Variants in LARGE1 observed in about 807,000 individuals in gnomAD.
LARGE1 encodes the protein LARGE xylosyl- and glucuronyltransferase 1.
A neutral mutation model predicts 87.6 loss-of-function variants in LARGE1; 43 were observed. The ratio of observed to expected loss-of-function variants is 0.49; its 90% CI spans 0.38 to 0.63. The LOEUF (loss-of-function observed/expected upper bound fraction) is 0.63, where lower values mean the gene tolerates loss of function less well. LARGE1 is among the 30% of genes least tolerant of loss of function. LARGE1 has a pLI of 0.00. For missense variants in LARGE1, 802 were observed against 1,000.2 expected, an observed-to-expected ratio of 0.80 and a Z score of 2.67; for synonymous variants, 434 against 394.6, an observed-to-expected ratio of 1.10 and a Z score of -1.18.
rs1346949257 is a variant in LARGE1 at position 33,168,801 on chromosome 22, G to A, written c.1731-1969C>T. 2.0e-5 allele frequency among the ~76,000 whole-genome samples: 3 copies of A among 152,106 alleles called. No individual in the cohort carries two copies. The East Asian group carries it at 5.8e-4, about 29-fold the overall frequency. On this transcript the variant is annotated intron_variant, in intron 11 of 11. Coordinates refer to the LARGE1 transcript ENST00000608642. Reference sequence around the variant, plus strand: ...CCATTTCCTAAGGTCTAGTTCAAATGTCTCCTTTAATATCTACATCAAATA... The same window carrying A: ...CCATTTCCTAAGGTCTAGTTCAAATATCTCCTTTAATATCTACATCAAATA...
Position 33,523,976 on chromosome 22 carries a change from C to T in LARGE1, c.787+40872G>A, listed in dbSNP as rs185624865. Among the ~76,000 whole-genome samples the T allele has an allele frequency of 5.9e-5, 9 of 152,146 alleles. No homozygotes were observed. The East Asian group carries it at 9.7e-4, about 16-fold the overall frequency. On this transcript the variant is annotated intron_variant, in intron 6 of 14. Coordinates refer to ENST00000397394, the MANE Select transcript of LARGE1 (RefSeq NM_133642.5). ...AGAACTGTGCCATCATCACTAAAATCTCCTTAAATCTACACCTCTATAAAA... is the reference window on the plus strand; with the variant it reads ...AGAACTGTGCCATCATCACTAAAATTTCCTTAAATCTACACCTCTATAAAA...
chr22:33,714,261 G>C (rs992766832), intron 2 of LARGE1, among the ~76,000 whole-genome samples: 2 of 152,108 alleles, frequency 1.3e-5, no homozygotes, highest in African/African-American at 4.8e-5. Flanking sequence ...CTGGAAAAAT[G>C]AGGAGCCCCT....
intron 6 of LARGE1, among the ~76,000 whole-genome samples, chr22:33,554,404 G>A (rs2077615826): frequency 6.6e-6 from 1 of 152,038 alleles, no homozygotes; most frequent in Admixed American, 6.6e-5. Context: ...CACCAAGAAA[G>A]CTCTATTTCA....
chr22:33,700,361 T>C lies in LARGE1; in HGVS notation c.107-49693A>G, dbSNP rs577158957. On this transcript the variant is annotated intron_variant, in intron 2 of 14. Coordinates refer to ENST00000397394, the MANE Select transcript of LARGE1 (RefSeq NM_133642.5). ...CAACTTGACCACTCAAGTGTCACCA[T>C]TCACTGAAGTTTAACTACAATGTCC... 1.5e-4 allele frequency among the ~76,000 whole-genome samples: 23 copies of C among 152,298 alleles called. 2 individuals are homozygous for C. The highest frequency in any genetic ancestry group is 3.1e-4 in the African/African-American group (13 of 41,574).
In LARGE1 at chr22:33,181,827, C is replaced by CTTTTTTT. The variant is rs56347007; in HGVS notation, c.1731-15002_1731-14996dup. Among the ~76,000 whole-genome samples the CTTTTTTT allele has an allele frequency of 2.3e-4, 29 of 128,472 alleles. No homozygotes were observed. In the East Asian group the frequency reaches 4.3e-3, roughly 19 times the overall value. The allele number at this position is 128,472 out of a possible 152,430, so 84.3% of individuals were successfully genotyped here. The stretch of plus-strand genomic sequence containing the variant: ...ACAGGCGTGAGCCAGTATGCCTGGC[C>CTTTTTTT]TTTTTTTTTTTTTTTTTTTTTTACA... On this transcript the variant is annotated intron_variant, in intron 11 of 11. Coordinates refer to the LARGE1 transcript ENST00000608642.
chr22:33,552,895 TTCCCA>T (rs2077572012), intron 6 of LARGE1, among the ~76,000 whole-genome samples: 1 of 152,170 alleles, frequency 6.6e-6, no homozygotes, highest in African/African-American at 2.4e-5. Flanking sequence ...TAACATAATA[TTCCCA>T]TTGAGAATGA....
chr22:33,773,476 G>A (rs1384983637), intron 1 of LARGE1, among the ~76,000 whole-genome samples: 9 of 138,002 alleles, frequency 6.5e-5, no homozygotes, highest in Admixed American at 2.8e-4. Context: ...GTCACAGATC[G>A]GGGCAGTGGC....
At chr22:33,613,483 C>T (rs554130727) in intron 4 of LARGE1, among the ~76,000 whole-genome samples, 51 of 152,308 alleles carry the variant, frequency 3.3e-4, no homozygotes, top group South Asian at 1.5e-3. Flanking sequence ...TACAATTCTA[C>T]TACACACAAG....
intron 1 of LARGE1, among the ~76,000 whole-genome samples, chr22:33,858,329 C>T (rs2063816133): frequency 6.6e-6 from 1 of 152,172 alleles, no homozygotes; most frequent in Non-Finnish European, 1.5e-5. Flanking sequence ...AGCTCAGCTC[C>T]AGCCATAACA....
At chr22:33,403,240 AAGTAT>A (rs1431431305) in intron 7 of LARGE1, among the ~76,000 whole-genome samples, 1 of 152,146 alleles carries the variant, frequency 6.6e-6, no homozygotes, top group Non-Finnish European at 1.5e-5. Flanking sequence ...TACTCAATAC[AAGTAT>A]AAGCTCCTGC....
chr22:33,693,400 G>GA lies in LARGE1; in HGVS notation c.107-42733dup, dbSNP rs140433459. On this transcript the variant is annotated intron_variant, in intron 2 of 14. Transcript: ENST00000397394. ...TCTGTAACCTTAAAGCAACTGAAAT[G>GA]AAAAAAAAAAAAATTAAAAAGAGGG... Among the ~76,000 whole-genome samples, 1,257 of 138,576 alleles carry GA rather than the reference G, an allele frequency of 9.1e-3. 16 individuals carry two copies. Among genetic ancestry groups the GA allele is most frequent in the African/African-American group, 0.026 (1,010 of 38,520 alleles). 90.9% of individuals were successfully genotyped at this position (138,576 alleles called of 152,430 possible). A position where few individuals can be genotyped will look rare whatever the true frequency, so the allele number is the denominator to read the frequency against.
intron 6 of LARGE1, among the ~76,000 whole-genome samples, chr22:33,527,297 C>T (rs1302113792): frequency 1.3e-5 from 2 of 152,160 alleles, no homozygotes; most frequent in Non-Finnish European, 2.9e-5. Flanking sequence ...CCCTATAGGT[C>T]GGATGAGCTA....
intron 7 of LARGE1, among the ~76,000 whole-genome samples, chr22:33,405,921 C>A (rs1184066365): frequency 7.9e-5 from 12 of 152,128 alleles, no homozygotes; most frequent in African/African-American, 2.9e-4. Context: ...AAATGAAGAC[C>A]ATTAAAAATC....
At chr22:33,728,258 G>A (rs2083331758) in intron 2 of LARGE1, among the ~76,000 whole-genome samples, 1 of 151,954 alleles carries the variant, frequency 6.6e-6, no homozygotes, top group Non-Finnish European at 1.5e-5. Context: ...TTCCAGAACG[G>A]CCAGGCTCAG....
intron 6 of LARGE1, among the ~76,000 whole-genome samples, chr22:33,554,805 C>T (rs1378521515): frequency 6.6e-6 from 1 of 152,166 alleles, no homozygotes; most frequent in South Asian, 2.1e-4. Flanking sequence ...CCCTTTATAC[C>T]TCTCTTACCT....
chr22:33,660,092 T>TGTGTG (rs1569350448), intron 2 of LARGE1, among the ~76,000 whole-genome samples: 2 of 45,264 alleles, frequency 4.4e-5, no homozygotes, highest in African/African-American at 8.7e-5. Flanking sequence ...GTGTGTGTGT[T>TGTGTG]TTTTTTTTTT....
intron 3 of LARGE1, among the ~76,000 whole-genome samples, chr22:33,645,676 A>G (rs896713657): frequency 6.6e-5 from 10 of 152,192 alleles, no homozygotes; most frequent in African/African-American, 2.4e-4. Flanking sequence ...ATGGGAGAAA[A>G]TTTTTGCAAC....
At chr22:33,260,135 A>T (rs1927542543) in intron 11 of LARGE1, among the ~76,000 whole-genome samples, 1 of 151,882 alleles carries the variant, frequency 6.6e-6, no homozygotes. Flanking sequence ...ATCCTACCTC[A>T]CCTGCTCCTT....
intron 1 of LARGE1, among the ~76,000 whole-genome samples, chr22:33,782,904 G>C (rs959718146): frequency 1.6e-5 from 2 of 123,324 alleles, no homozygotes; most frequent in Non-Finnish European, 3.5e-5. Flanking sequence ...AAAAAAGAGA[G>C]AGAGAGAGGG....
Sources: gnomAD v4.1 joint callset for allele counts (sites outside exome capture counted in the v4.1 genomes callset) on GRCh38, gnomAD v4.1.1 for gene constraint, MANE v1.5 for transcripts, NCBI Gene and HGNC (gene_info 2026-07-23, HGNC 2026-07-21) for gene names.